The following SLC9A9 variants were observed in gnomAD, a reference collection of about 807,000 sequenced individuals.
The protein encoded by SLC9A9 is solute carrier family 9 member A9, also known as sodium/hydrogen exchanger 9.
A neutral mutation model predicts 77.8 loss-of-function variants in SLC9A9; 62 were observed. The ratio of observed to expected loss-of-function variants is 0.80; its 90% CI spans 0.65 to 0.98. The LOEUF is 0.98. Among genes scored for constraint, SLC9A9 ranks in the 50% least tolerant of loss-of-function variants. The pLI, the probability that SLC9A9 is intolerant of heterozygous loss-of-function variation, is 0.00. For synonymous variants in SLC9A9, 320 were observed against 283.5 expected (o/e 1.13, Z -1.29); for missense variants, 775 against 774.9 (o/e 1.00, Z 0.00).
chr3:143,790,067 C>G (rs975199361), intron 4 of SLC9A9, among the ~76,000 whole-genome samples: 1 of 151,918 alleles, frequency 6.6e-6, no homozygotes, highest in African/African-American at 2.4e-5. Flanking sequence ...GGGGGTGGTA[C>G]CCCATGCTGT....
intron 6 of SLC9A9, among the ~76,000 whole-genome samples, chr3:143,640,311 G>A (rs572069507): frequency 4.5e-4 from 68 of 152,050 alleles, no homozygotes; most frequent in African/African-American, 1.3e-3. Flanking sequence ...GTGAGCCACC[G>A]TGCGCAACCT....
chr3:143,748,104 A>C (rs1179852216), intron 4 of SLC9A9, among the ~76,000 whole-genome samples: 2 of 152,234 alleles, frequency 1.3e-5, no homozygotes, highest in Admixed American at 1.3e-4. Context: ...ACTTAGTTTC[A>C]AGAATTCCAA....
intron 5 of SLC9A9, among the ~76,000 whole-genome samples, chr3:143,668,206 T>C (rs1249799550): frequency 2.6e-5 from 4 of 151,558 alleles, no homozygotes; most frequent in African/African-American, 7.3e-5. Context: ...CTGGAAACCA[T>C]CATTCTCAGC....
intron 13 of SLC9A9, among the ~76,000 whole-genome samples, chr3:143,374,890 T>C (rs927522418): frequency 5.3e-5 from 8 of 152,198 alleles, no homozygotes; most frequent in Admixed American, 5.2e-4. Flanking sequence ...TTCTATTTTA[T>C]GTACCCATTA....
At chr3:143,567,821 G>A (rs1053191472) in intron 8 of SLC9A9, among the ~76,000 whole-genome samples, 3 of 152,156 alleles carry the variant, frequency 2.0e-5, no homozygotes, top group Non-Finnish European at 4.4e-5. Flanking sequence ...GAATTGGAAA[G>A]GATAATGAAC....
intron 6 of SLC9A9, among the ~76,000 whole-genome samples, chr3:143,606,465 T>C (rs1312640628): frequency 1.4e-5 from 2 of 145,258 alleles, no homozygotes; most frequent in Non-Finnish European, 3.0e-5. Flanking sequence ...TATATATGTA[T>C]ATAAAACCAC....
intron 9 of SLC9A9, among the ~76,000 whole-genome samples, chr3:143,497,486 C>T (rs1328089302): frequency 6.6e-6 from 1 of 152,160 alleles, no homozygotes. Context: ...TTGAATTCAA[C>T]AAGTTTAATG....
chr3:143,674,128 G>A (rs895417616), intron 5 of SLC9A9, among the ~76,000 whole-genome samples: 4 of 152,106 alleles, frequency 2.6e-5, no homozygotes, highest in South Asian at 4.1e-4. Context: ...CTCTTCATTT[G>A]ATCTGACAAA....
At chr3:143,557,379 G>C (rs2037003218) in intron 8 of SLC9A9, among the ~76,000 whole-genome samples, 1 of 152,126 alleles carries the variant, frequency 6.6e-6, no homozygotes, top group Admixed American at 6.5e-5. Context: ...GGCACCGAGT[G>C]GGGTGGGGTG....
At position 143,711,384 on chromosome 3, in the gene SLC9A9, A is replaced by G. The variant is rs1309246456; in HGVS notation, c.534-18077T>C. 2.6e-5 allele frequency among the ~76,000 whole-genome samples: 4 copies of G among 152,012 alleles called. No individual in the cohort carries two copies. In the East Asian group the frequency reaches 7.7e-4, roughly 29 times the overall value. On this transcript the variant is annotated intron_variant, in intron 4 of 15. Coordinates refer to ENST00000316549, the MANE Select transcript of SLC9A9 (RefSeq NM_173653.4). ...CCACCAAAATGCTTTAAAGAACAAT[A>G]GAAGGTTTACTCTTTTAAAAAAAAT...
At chr3:143,678,560 T>C (rs1229126342) in intron 5 of SLC9A9, among the ~76,000 whole-genome samples, 2 of 152,250 alleles carry the variant, frequency 1.3e-5, no homozygotes, top group Non-Finnish European at 2.9e-5. Context: ...ATTTCCCCAT[T>C]GAATTGAAAG....
chr3:143,594,121 TGAG>T (rs938303449), intron 6 of SLC9A9, among the ~76,000 whole-genome samples: 21 of 151,610 alleles, frequency 1.4e-4, no homozygotes, highest in African/African-American at 4.6e-4. Flanking sequence ...GTTCCCAAAA[TGAG>T]GAGAGAGAAA....
At chr3:143,300,170 C>T (rs1327134940) in intron 14 of SLC9A9, among the ~76,000 whole-genome samples, 4 of 152,134 alleles carry the variant, frequency 2.6e-5, no homozygotes, top group East Asian at 1.9e-4. Flanking sequence ...TAAGTCCTCA[C>T]TTTGCCTCTC....
At chr3:143,738,282 G>A (rs954520331) in intron 4 of SLC9A9, among the ~76,000 whole-genome samples, 2 of 152,044 alleles carry the variant, frequency 1.3e-5, no homozygotes, top group African/African-American at 4.8e-5. Context: ...GGGCAGTACC[G>A]GATAGTCACA....
intron 12 of SLC9A9, among the ~76,000 whole-genome samples, chr3:143,395,759 A>G (rs1214805333): frequency 6.6e-6 from 1 of 152,230 alleles, no homozygotes; most frequent in African/African-American, 2.4e-5. Flanking sequence ...CAAGAAAAAA[A>G]CAAACAACCC....
At chr3:143,518,109 T>C in intron 9 of SLC9A9, 4 of 1,595,342 alleles carry the variant, frequency 2.5e-6, no homozygotes, top group East Asian at 2.2e-5. Flanking sequence ...GGTGGTACTT[T>C]ACCTCCCATG....
chr3:143,830,743 G>A (rs760419081), intron 2 of SLC9A9, among the ~76,000 whole-genome samples: 27 of 152,184 alleles, frequency 1.8e-4, no homozygotes, highest in Non-Finnish European at 3.5e-4. Flanking sequence ...TTGCTAACAA[G>A]TTTAAAAAAT....
At chr3:143,499,694 T>A (rs1424511219) in intron 9 of SLC9A9, among the ~76,000 whole-genome samples, 1 of 152,174 alleles carries the variant, frequency 6.6e-6, no homozygotes, top group Non-Finnish European at 1.5e-5. Flanking sequence ...ATCTTTGTTT[T>A]TTTCCCAATC....
chr3:143,757,274 G>T (rs888786097), intron 4 of SLC9A9, among the ~76,000 whole-genome samples: 1 of 152,076 alleles, frequency 6.6e-6, no homozygotes, highest in Non-Finnish European at 1.5e-5. Flanking sequence ...TTCCAAGTGG[G>T]TAACATAAAT....
Sources: gnomAD v4.1 joint callset for allele counts (sites outside exome capture counted in the v4.1 genomes callset) on GRCh38, gnomAD v4.1.1 for gene constraint, MANE v1.5 for transcripts, NCBI Gene and HGNC (gene_info 2026-07-23, HGNC 2026-07-21) for gene names.